The following CPS1 variants were observed in gnomAD, a reference collection of about 807,000 sequenced individuals.
CPS1 encodes the protein carbamoyl-phosphate synthase [ammonia], mitochondrial.
CPS1 carries 109 observed loss-of-function variants against 174.6 expected under a neutral mutation model. The ratio of observed to expected loss-of-function variants is 0.62; its 90% confidence interval spans 0.53 to 0.73. The LOEUF is 0.73. Ranked by LOEUF, CPS1 falls within the 30% of genes least tolerant of loss-of-function variation. CPS1 has a pLI of 0.00. For synonymous variants in CPS1, 637 were observed against 632.0 expected (o/e 1.01, Z -0.12); for missense variants, 1,689 against 1,821.9 (o/e 0.93, Z 1.33).
intron 6 of CPS1, among the ~76,000 whole-genome samples, 186 bp from the exon 7 acceptor site, chr2:210,587,872 G>GA (rs1451735229): frequency 7.4e-6 from 1 of 134,670 alleles, no homozygotes; most frequent in Non-Finnish European, 1.7e-5. Context: ...TCATAAAAAA[G>GA]ATACAGTCTG....
chr2:210,658,682 T>C lies in CPS1; in HGVS notation c.3750T>C (p.Asp1250=). 6.2e-7 allele frequency: 1 copy of C among 1,613,222 alleles called. No homozygotes were observed. The highest frequency in any genetic ancestry group is 8.5e-7 in the Non-Finnish European group (1 of 1,179,184). Residue 1250 remains aspartate (D), a synonymous_variant, in exon 31 of 38, where the codon GAT becomes GAC. Coordinates refer to ENST00000233072, the MANE Select transcript of CPS1 (RefSeq NM_001875.5). ...FNVQFLVKGN[D]VLVIECNLRA... ...TCCAATTTCTTGTCAAAGGAAATGATGTCTTGGTAAGAAATGCCAAGGTGC... is the reference window on the plus strand; with the variant it reads ...TCCAATTTCTTGTCAAAGGAAATGACGTCTTGGTAAGAAATGCCAAGGTGC...
intron 1 of CPS1, among the ~76,000 whole-genome samples, chr2:210,489,120 G>A (rs751873683): frequency 2.0e-5 from 3 of 152,182 alleles, no homozygotes; most frequent in Non-Finnish European, 4.4e-5. Flanking sequence ...ACTTATAGAT[G>A]ATGGGAAAGC....
At chr2:210,501,203 C>T (rs1695130318) in intron 1 of CPS1, among the ~76,000 whole-genome samples, 1 of 152,052 alleles carries the variant, frequency 6.6e-6, no homozygotes, top group South Asian at 2.1e-4. Context: ...CCTCCCAGGC[C>T]TCTGGGCCTA....
intron 1 of CPS1, among the ~76,000 whole-genome samples, chr2:210,538,434 A>C (rs1265888844): frequency 6.6e-6 from 1 of 152,050 alleles, no homozygotes; most frequent in African/African-American, 2.4e-5. Flanking sequence ...ATTTTGTATT[A>C]GCTAAACTTA....
chr2:210,561,170 GA>G (rs1697088383), intron 1 of CPS1, among the ~76,000 whole-genome samples: 1 of 151,994 alleles, frequency 6.6e-6, no homozygotes, highest in Non-Finnish European at 1.5e-5. Flanking sequence ...TAAAACTCTT[GA>G]AAAAACTATA....
At chr2:210,668,397 T>C in intron 34 of CPS1, 113 bp downstream of exon 34, 1 of 809,254 alleles carries the variant, frequency 1.2e-6, no homozygotes, top group South Asian at 1.4e-5. Context: ...TACGTTTCCG[T>C]TTATGGCAAC....
intron 1 of CPS1, among the ~76,000 whole-genome samples, chr2:210,496,029 G>C (rs111797720): frequency 0.012 from 1,781 of 151,796 alleles, 15 homozygotes; most frequent in Non-Finnish European, 0.019. Context: ...AGGCAAATTG[G>C]TAGGCAACTT....
intron 1 of CPS1, among the ~76,000 whole-genome samples, chr2:210,483,342 T>TA (rs1398165563): frequency 6.6e-6 from 1 of 152,164 alleles, no homozygotes; most frequent in African/African-American, 2.4e-5. Flanking sequence ...GTAGGATAGG[T>TA]ACTTTACTCG....
intron 8 of CPS1, among the ~76,000 whole-genome samples, 197 bp downstream of exon 8, chr2:210,590,431 C>T (rs1574561093): frequency 6.6e-6 from 1 of 151,936 alleles, no homozygotes; most frequent in Non-Finnish European, 1.5e-5. Flanking sequence ...TAGGGTTTTT[C>T]TTCAGGCAAA....
intron 1 of CPS1, among the ~76,000 whole-genome samples, chr2:210,485,732 C>T (rs1694698805): frequency 6.6e-6 from 1 of 152,096 alleles, no homozygotes; most frequent in Admixed American, 6.6e-5. Flanking sequence ...AATAAAGCTA[C>T]AAGTAACATG....
chr2:210,678,036 T>C lies in CPS1; in HGVS notation c.*51T>C, dbSNP rs781040449. The C allele has an allele frequency of 2.2e-5, 30 of 1,348,522 alleles. No individual in the cohort carries two copies. Among genetic ancestry groups the C allele is most frequent in the Non-Finnish European group, 3.1e-5 (29 of 937,730 alleles). 83.5% of individuals were successfully genotyped at this position (1,348,522 alleles called of 1,614,324 possible). ...TTAAATCAACCTGAGCCACATGTTA[T>C]CTAAAGGAACTGATTCACAACTTTC... On this transcript the variant is annotated 3_prime_UTR_variant, in exon 38 of 38. Transcript: ENST00000233072.
At chr2:210,633,275 C>A (rs568240057) in intron 21 of CPS1, among the ~76,000 whole-genome samples, 3 of 150,500 alleles carry the variant, frequency 2.0e-5, no homozygotes, top group Non-Finnish European at 3.0e-5. Context: ...TTTTTTTTTT[C>A]GTCACCAGAG....
intron 21 of CPS1, among the ~76,000 whole-genome samples, chr2:210,636,116 A>G (rs13017144): frequency 0.074 from 11,294 of 152,256 alleles, 403 homozygotes; most frequent in African/African-American, 0.088. Flanking sequence ...TTTTAATTTC[A>G]TTGTATTGAC....
intron 20 of CPS1, among the ~76,000 whole-genome samples, chr2:210,614,739 A>G (rs995519981): frequency 1.3e-5 from 2 of 152,026 alleles, no homozygotes; most frequent in Admixed American, 1.3e-4. Context: ...TTGCAGGGAC[A>G]TGGATGAAGC....
Position 210,654,062 on chromosome 2 carries a change from C to T in CPS1, c.3518C>T (p.Ala1173Val). 3 of 1,613,976 alleles carry T rather than the reference C, an allele frequency of 1.9e-6. No individual in the cohort carries two copies. The highest frequency in any genetic ancestry group is 2.5e-6 in the Non-Finnish European group (3 of 1,179,906). ...PVVLTKFVEG[A>V]REVEMDAVGK... ...GTGCTGACAAAATTTGTTGAAGGGG[C>T]CCGAGAAGTAGAAATGGACGCTGTT... Residue 1173 changes from alanine to valine, a missense_variant, in exon 29 of 38, where the codon GCC becomes GTC. Transcript: ENST00000233072.
intron 1 of CPS1, among the ~76,000 whole-genome samples, chr2:210,515,859 A>G (rs918364816): frequency 2.0e-5 from 3 of 151,838 alleles, no homozygotes; most frequent in African/African-American, 7.3e-5. Context: ...TTGTCATAAC[A>G]TTGCTTTTGC....
chr2:210,607,004 CAGAT>C, intron 18 of CPS1, 63 bp downstream of exon 18: 2 of 1,460,206 alleles, frequency 1.4e-6, no homozygotes, highest in Non-Finnish European at 1.9e-6. Context: ...GAAAAATTGA[CAGAT>C]AGTGGAAGAC....
At position 210,668,106 on chromosome 2, in the gene CPS1, A is replaced by G. The variant is rs200105358; in HGVS notation, c.4003-80A>G. 2.2e-3 allele frequency: 1,444 copies of G among 658,194 alleles called. 6 individuals carry two copies. Among genetic ancestry groups the G allele is most frequent in the Non-Finnish European group, 3.0e-3 (1,200 of 397,384 alleles). 40.8% of individuals were successfully genotyped at this position (658,194 alleles called of 1,614,324 possible). On this transcript the variant is annotated intron_variant, in intron 33 of 37. Transcript: ENST00000233072. Reference sequence around the variant, plus strand: ...TGTGTGTGTGTGTGTGTGTGTGTGTATTTTAATTTTAATTTTTGGTAGGAG... The same window carrying G: ...TGTGTGTGTGTGTGTGTGTGTGTGTGTTTTAATTTTAATTTTTGGTAGGAG...
intron 1 of CPS1, among the ~76,000 whole-genome samples, chr2:210,497,827 A>G (rs570549910): frequency 4.0e-5 from 6 of 149,198 alleles, no homozygotes; most frequent in South Asian, 2.1e-4. Flanking sequence ...CGTCTTTGCT[A>G]TTCTGAAGAG....
Sources: gnomAD v4.1 joint callset for allele counts (sites outside exome capture counted in the v4.1 genomes callset) on GRCh38, gnomAD v4.1.1 for gene constraint, MANE v1.5 for transcripts, NCBI Gene and HGNC (gene_info 2026-07-23, HGNC 2026-07-21) for gene names.